PRKX: variants seen among roughly 807,000 people sequenced by gnomAD.
The protein encoded by PRKX is cAMP-dependent protein kinase catalytic subunit PRKX.
Under a neutral mutation model 22.0 loss-of-function variants are expected in PRKX, and 12 were observed. The observed-to-expected ratio is 0.54, with a 90% CI of 0.35 to 0.88. The LOEUF is 0.88. Among genes scored for constraint, PRKX ranks in the 40% least tolerant of loss-of-function variants. The pLI is 0.01. For missense variants in PRKX, 217 were observed against 308.0 expected (o/e 0.70, Z 2.21); for synonymous variants, 134 against 137.7 (o/e 0.97, Z 0.19).
chrX:3,627,856 T>C (rs150098552), intron 4 of PRKX, among the ~76,000 whole-genome samples: 1,194 of 110,469 alleles, frequency 0.011, 15 homozygotes, highest in African/African-American at 0.037. Flanking sequence ...AAGCTAGAAA[T>C]AGAACTCCCA....
chrX:3,688,196 A>G (rs1451844414), intron 1 of PRKX, among the ~76,000 whole-genome samples: 6 of 109,986 alleles, frequency 5.5e-5, no homozygotes, highest in African/African-American at 1.3e-4. Flanking sequence ...CTGTAATCCC[A>G]GCACTTTGGG....
chrX:3,701,161 T>A (rs1928561603), intron 1 of PRKX, among the ~76,000 whole-genome samples: 1 of 110,436 alleles, frequency 9.1e-6, no homozygotes. Flanking sequence ...AAGGCTGGAG[T>A]GCAGTGGCGC....
intron 4 of PRKX, among the ~76,000 whole-genome samples, chrX:3,638,188 T>C (rs1466174729): frequency 8.9e-6 from 1 of 111,963 alleles, no homozygotes; most frequent in African/African-American, 3.2e-5. Context: ...GGTAACTTTA[T>C]ATAATTCGAA....
chrX:3,622,714 T>G (rs1218267093), intron 5 of PRKX, among the ~76,000 whole-genome samples: 2 of 111,919 alleles, frequency 1.8e-5, no homozygotes, highest in Non-Finnish European at 3.8e-5. Flanking sequence ...TAGGATTTTG[T>G]ATCCATCCTG....
chrX:3,623,252 T>G (rs182900826), intron 5 of PRKX, among the ~76,000 whole-genome samples: 266 of 109,848 alleles, frequency 2.4e-3, no homozygotes, highest in Non-Finnish European at 3.8e-3. Context: ...GTGTTTGGCA[T>G]GTAAGAAAAT....
chrX:3,710,315 T>G (rs758909245), intron 1 of PRKX, among the ~76,000 whole-genome samples: 1 of 111,820 alleles, frequency 8.9e-6, no homozygotes. Flanking sequence ...TATCAGACTT[T>G]TCACAACTGC....
chrX:3,706,744 G>A (rs1047843317), intron 1 of PRKX, among the ~76,000 whole-genome samples: 3 of 112,336 alleles, frequency 2.7e-5, no homozygotes, highest in Non-Finnish European at 3.8e-5. Context: ...CAATGTGCAC[G>A]CCCTGCTTTC....
rs1488199238 is a variant in PRKX, at chrX:3,713,368, T to A, written c.-115A>T. 1.4e-5 allele frequency: 9 copies of A among 647,297 alleles called. No homozygotes were observed. The highest frequency in any genetic ancestry group is 1.6e-5 in the Non-Finnish European group (8 of 493,172). The allele number at this position is 647,297 out of a possible 1,213,427, so 53.3% of individuals were successfully genotyped here. A position where few individuals can be genotyped will look rare whatever the true frequency, so the allele number is the denominator to read the frequency against. ...CGGCGGCATCAACAGAGGCTCCCCATGCGCGCTCTCGCCTCCTGGTGCGCG... is the reference window on the plus strand; with the variant it reads ...CGGCGGCATCAACAGAGGCTCCCCAAGCGCGCTCTCGCCTCCTGGTGCGCG... On this transcript the variant is annotated 5_prime_UTR_variant, in exon 1 of 9. The change abolishes an upstream ATG in the 5' untranslated region. Transcript: ENST00000262848.
At chrX:3,648,605 CCTGTGTGTGTGTGTGTGT>C (rs1317020876) in intron 3 of PRKX, among the ~76,000 whole-genome samples, 2 of 46,169 alleles carry the variant, frequency 4.3e-5, no homozygotes, top group Non-Finnish European at 7.7e-5. Context: ...TCTCTCTACT[CCTGTGTGTGTGTGTGTGT>C]GTGTGTGTGT....
chrX:3,648,401 T>A (rs374973792), intron 3 of PRKX, among the ~76,000 whole-genome samples: 42 of 110,256 alleles, frequency 3.8e-4, no homozygotes, highest in African/African-American at 1.4e-3. Flanking sequence ...TTTTTTTTTT[T>A]AAATAGTTGT....
chrX:3,638,885 G>C lies in PRKX; in HGVS notation c.719+2967C>G, dbSNP rs141985186. Among the ~76,000 whole-genome samples, 105 of 105,469 alleles carry C rather than the reference G, an allele frequency of 1.0e-3. No homozygotes were observed. The East Asian group carries it at 0.028, about 28-fold the overall frequency. The allele number at this position is 105,469 out of a possible 115,157, so 91.6% of individuals were successfully genotyped here. On this transcript the variant is annotated intron_variant, in intron 4 of 8. Coordinates refer to ENST00000262848, the MANE Select transcript of PRKX (RefSeq NM_005044.5). The stretch of plus-strand genomic sequence containing the variant: ...TAGGCACATAGATAAATAGGAAGTA[G>C]ATGGATAGATTGGTACATGAATGAC...
intron 6 of PRKX, among the ~76,000 whole-genome samples, chrX:3,620,243 C>T (rs1054939703): frequency 8.9e-6 from 1 of 112,315 alleles, no homozygotes; most frequent in Non-Finnish European, 1.9e-5. Context: ...CAATCGAATA[C>T]TATGCAGTCA....
chrX:3,703,534 C>A (rs938869762), intron 1 of PRKX, among the ~76,000 whole-genome samples: 72 of 111,233 alleles, frequency 6.5e-4, no homozygotes, highest in African/African-American at 2.3e-3. Context: ...TGAGTCTCCT[C>A]TGCAAATCAT....
At chrX:3,672,367 T>C (rs981136444) in intron 2 of PRKX, among the ~76,000 whole-genome samples, 7 of 111,948 alleles carry the variant, frequency 6.3e-5, no homozygotes, top group Non-Finnish European at 1.3e-4. Flanking sequence ...TCCACGTCCC[T>C]GCAGGAATGC....
At position 3,606,010 on chromosome X, in the gene PRKX, C is replaced by T. The variant is rs1329363339; in HGVS notation, c.*2959G>A. 1.8e-5 allele frequency: 2 copies of T among 112,481 alleles called. No homozygotes were observed. The highest frequency in any genetic ancestry group is 3.8e-5 in the Non-Finnish European group (2 of 53,321). The allele number at this position is 112,481 out of a possible 1,213,427, so 9.3% of individuals were successfully genotyped here. On this transcript the variant is annotated 3_prime_UTR_variant, in exon 9 of 9. Transcript: ENST00000262848. ...GACTTTATTTCCTTCCTGGCTTTAT[C>T]AATGCCTATGAAAGCAGGCCGGTGG...
At chrX:3,708,756 C>G (rs778278130) in intron 1 of PRKX, among the ~76,000 whole-genome samples, 25 of 107,789 alleles carry the variant, frequency 2.3e-4, no homozygotes, top group Non-Finnish European at 4.8e-4. Flanking sequence ...CCCAGCTCCT[C>G]GGGAGGCTGA....
At chrX:3,635,129 A>G (rs1180609830) in intron 4 of PRKX, among the ~76,000 whole-genome samples, 6 of 111,643 alleles carry the variant, frequency 5.4e-5, no homozygotes. Flanking sequence ...TTTATATTTC[A>G]GTCTCTACTT....
chrX:3,654,488 T>G (rs2398584), intron 3 of PRKX, among the ~76,000 whole-genome samples: 30,694 of 99,024 alleles, frequency 0.31, 4,226 homozygotes, highest in East Asian at 0.68. Flanking sequence ...GTTTTGTTTT[T>G]TTTTGAGATA....
At chrX:3,693,072 C>T (rs181464105) in intron 1 of PRKX, among the ~76,000 whole-genome samples, 11 of 110,773 alleles carry the variant, frequency 9.9e-5, no homozygotes, top group African/African-American at 2.6e-4. Context: ...TGTCTACCTC[C>T]GAGAAACTGC....
Sources: gnomAD v4.1 joint callset for allele counts (sites outside exome capture counted in the v4.1 genomes callset) on GRCh38, gnomAD v4.1.1 for gene constraint, MANE v1.5 for transcripts, NCBI Gene and HGNC (gene_info 2026-07-23, HGNC 2026-07-21) for gene names.